Variants in OLFML2A observed in about 807,000 individuals in gnomAD.
OLFML2A encodes olfactomedin like 2A.
OLFML2A carries 47 observed loss-of-function variants against 60.9 expected under a neutral mutation model. The ratio of observed to expected loss-of-function variants is 0.77; its 90% CI spans 0.61 to 0.98. The LOEUF is 0.98. Among genes scored for constraint, OLFML2A ranks in the 50% least tolerant of loss-of-function variants. The pLI, the probability that OLFML2A is intolerant of heterozygous loss-of-function variation, is 0.00. For missense variants in OLFML2A, 922 were observed against 879.8 expected (o/e 1.05, Z -0.61); for synonymous variants, 372 against 375.0 (o/e 0.99, Z 0.09).
chr9:124,800,474 G>A (rs1006275043), intron 4 of OLFML2A, among the ~76,000 whole-genome samples: 10 of 152,274 alleles, frequency 6.6e-5, no homozygotes, highest in African/African-American at 2.4e-4. Context: ...ACATGGAGAG[G>A]CGGTGGCGGA....
chr9:124,808,303 C>T (rs1841943121), intron 7 of OLFML2A, among the ~76,000 whole-genome samples: 1 of 152,126 alleles, frequency 6.6e-6, no homozygotes, highest in Non-Finnish European at 1.5e-5. Flanking sequence ...GCTGATCTCG[C>T]CCCCCGTGTA....
At position 124,777,369 on chromosome 9, in the gene OLFML2A, G is replaced by T; in HGVS notation, c.90+9G>T. On this transcript the variant is annotated intron_variant, in intron 1 of 7. Transcript: ENST00000373580. This position sits in a 1 kb window ranked among gnomAD's most constrained non-coding sequence, Gnocchi z 6.2. ...CGCGCGCCGACAGTAAGGTACGCAC[G>T]CCCCTCGGACCCGCGCGGCTCGGCG... 1 of 1,267,530 alleles carries T rather than the reference G, an allele frequency of 7.9e-7. No individual in the cohort carries two copies. Among genetic ancestry groups the T allele is most frequent in the Non-Finnish European group, 1.0e-6 (1 of 1,003,656 alleles). 78.5% of individuals were successfully genotyped at this position (1,267,530 alleles called of 1,614,324 possible).
chr9:124,802,871 T>C (rs1841807646), intron 5 of OLFML2A, among the ~76,000 whole-genome samples: 1 of 152,104 alleles, frequency 6.6e-6, no homozygotes, highest in Non-Finnish European at 1.5e-5. Flanking sequence ...CAGACCATCA[T>C]AGTAATAACA....
intron 2 of OLFML2A, among the ~76,000 whole-genome samples, chr9:124,794,409 C>G (rs1447050490): frequency 6.6e-6 from 1 of 152,184 alleles, no homozygotes; most frequent in African/African-American, 2.4e-5. Context: ...TCCTCCAGTG[C>G]CCACTACACA....
chr9:124,780,504 A>T (rs564053390), intron 1 of OLFML2A, among the ~76,000 whole-genome samples: 110 of 152,352 alleles, frequency 7.2e-4, no homozygotes, highest in African/African-American at 2.3e-3. Context: ...GTTCCAGGCC[A>T]GGCTAGTCCC....
rs756156410 is a variant in OLFML2A at position 124,809,859 on chromosome 9, A to G, written c.1406A>G (p.His469Arg). ...KLPYNWIGTG[H>R]VVYQGAFYYN... ...CCCTACAACTGGATCGGCACAGGCC[A>G]CGTGGTGTACCAGGGCGCCTTCTAC... The change falls in exon 8 of 8, where the codon CAC (histidine) becomes CGC (arginine). Residue 469 changes from histidine to arginine, a missense_variant. Physicochemically the swap from His to Arg is conservative, Grantham distance 29. Coordinates refer to ENST00000373580, the MANE Select transcript of OLFML2A (RefSeq NM_182487.4). 4 of 1,614,068 alleles carry G rather than the reference A, an allele frequency of 2.5e-6. No individual in the cohort carries two copies. Among genetic ancestry groups the G allele is most frequent in the Non-Finnish European group, 2.5e-6 (3 of 1,179,960 alleles).
rs1201381760 is a variant in OLFML2A, at chr9:124,814,136, T to C, written c.*3724T>C. 1 of 152,270 alleles carries C rather than the reference T, an allele frequency of 6.6e-6. No homozygotes were observed. The highest frequency in any genetic ancestry group is 1.5e-5 in the Non-Finnish European group (1 of 68,066). The allele number at this position is 152,270 out of a possible 1,614,324, so 9.4% of individuals were successfully genotyped here. On this transcript the variant is annotated 3_prime_UTR_variant, in exon 8 of 8. Coordinates refer to ENST00000373580, the MANE Select transcript of OLFML2A (RefSeq NM_182487.4). Reference sequence around the variant, plus strand: ...GGGGTAGAGAATGGAGCTCCCGCCTTGCGGGCAGTGCTAAAGGTGGAGCTG... The same window carrying C: ...GGGGTAGAGAATGGAGCTCCCGCCTCGCGGGCAGTGCTAAAGGTGGAGCTG...
At chr9:124,778,360 C>CA (rs988215469) in intron 1 of OLFML2A, among the ~76,000 whole-genome samples, 228 of 115,712 alleles carry the variant, frequency 2.0e-3, no homozygotes, top group African/African-American at 4.8e-3. Context: ...GACTCCGTGT[C>CA]AAAAAAAAAA....
rs771037589 is a variant in OLFML2A, at chr9:124,787,240, T to C, written c.354+2T>C. On this transcript the variant is annotated splice_donor_variant, in intron 2 of 7. Transcript: ENST00000373580. LOFTEE classifies it high-confidence loss of function. ...AAGCAGGCGCCCGAGCTCCTCAAGGTAGACTTGGTGGGGTGATGGAGGGAG... is the reference window on the plus strand; with the variant it reads ...AAGCAGGCGCCCGAGCTCCTCAAGGCAGACTTGGTGGGGTGATGGAGGGAG... 9 of 1,612,852 alleles carry C rather than the reference T, an allele frequency of 5.6e-6. No homozygotes were observed. Among genetic ancestry groups the C allele is most frequent in the South Asian group, 5.5e-5 (5 of 91,076 alleles).
intron 5 of OLFML2A, 21 bp from the exon 6 acceptor site, chr9:124,804,073 A>C (rs1200618777): frequency 1.2e-6 from 2 of 1,612,218 alleles, no homozygotes; most frequent in Admixed American, 1.7e-5. Flanking sequence ...AGATTTGAGC[A>C]CAGGGGTCTT....
chr9:124,797,645 T>C (rs1841691372), intron 3 of OLFML2A, among the ~76,000 whole-genome samples: 1 of 152,218 alleles, frequency 6.6e-6, no homozygotes, highest in Admixed American at 6.5e-5. Flanking sequence ...GCTTTCTGCC[T>C]CTGACTTCTG....
At chr9:124,780,687 C>T (rs1465184389) in intron 1 of OLFML2A, among the ~76,000 whole-genome samples, 1 of 152,222 alleles carries the variant, frequency 6.6e-6, no homozygotes, top group Admixed American at 6.5e-5. Context: ...AGGGTCTTAT[C>T]CCAACACTCC....
chr9:124,799,556 C>T (rs1430216544), intron 4 of OLFML2A, 65 bp downstream of exon 4: 8 of 1,361,960 alleles, frequency 5.9e-6, no homozygotes, highest in Admixed American at 2.1e-5. Context: ...TGTGCCAGGA[C>T]GTTGGCCCTG....
Position 124,812,909 on chromosome 9 carries a change from T to C in OLFML2A, c.*2497T>C, listed in dbSNP as rs1420726174. The stretch of plus-strand genomic sequence containing the variant: ...GGCCTCTTCTGTTTTCATACCCTTG[T>C]AAGTGGGTTATGTGGTGGGTATGGT... On this transcript the variant is annotated 3_prime_UTR_variant, in exon 8 of 8. Coordinates refer to ENST00000373580, the MANE Select transcript of OLFML2A (RefSeq NM_182487.4). 1 of 152,242 alleles carries C rather than the reference T, an allele frequency of 6.6e-6. No individual in the cohort carries two copies. Among genetic ancestry groups the C allele is most frequent in the Non-Finnish European group, 1.5e-5 (1 of 68,058 alleles). The allele number at this position is 152,242 out of a possible 1,614,324, so 9.4% of individuals were successfully genotyped here. A position where few individuals can be genotyped will look rare whatever the true frequency, so the allele number is the denominator to read the frequency against.
chr9:124,808,024 C>G (rs1226558940), intron 7 of OLFML2A, 58 bp downstream of exon 7: 1 of 1,332,724 alleles, frequency 7.5e-7, no homozygotes, highest in Non-Finnish European at 1.1e-6. Context: ...GGGAGGGGTC[C>G]TCATGGGGAC....
rs926269535 is a variant in OLFML2A at position 124,778,385 on chromosome 9, T to A, written c.90+1025T>A. Among the ~76,000 whole-genome samples, 267 of 141,570 alleles carry A rather than the reference T, an allele frequency of 1.9e-3. 5 individuals carry two copies. In the East Asian group the frequency reaches 0.046, roughly 24 times the overall value. 92.9% of individuals were successfully genotyped at this position (141,570 alleles called of 152,430 possible). On this transcript the variant is annotated intron_variant, in intron 1 of 7. Transcript: ENST00000373580. The stretch of plus-strand genomic sequence containing the variant: ...CAAAAAAAAAAAGAAAAAAAAAAAA[T>A]ACTTAGCACCAGAGCACTTGGGGTG...
intron 1 of OLFML2A, among the ~76,000 whole-genome samples, chr9:124,782,617 C>T (rs1841381842): frequency 6.6e-6 from 1 of 152,236 alleles, no homozygotes; most frequent in South Asian, 2.1e-4. Context: ...TGGCGCTCTG[C>T]TGCCCTCCAG....
chr9:124,810,390 A>T lies in OLFML2A; in HGVS notation c.1937A>T (p.Tyr646Phe). Residue 646 changes from tyrosine to phenylalanine, a missense_variant, in exon 8 of 8, where the codon TAC becomes TTC. Tyr to Phe is a conservative substitution (Grantham distance 22). Transcript: ENST00000373580. ...TGGGACAATGGCCACCAGCTCACCT[A>T]CACCCTCCACTTCGTGGTCTGAGTG... ...YAWDNGHQLTYTLHFVV is the reference protein window; with the variant it reads ...YAWDNGHQLTFTLHFVV 1 of 1,598,492 alleles carries T rather than the reference A, an allele frequency of 6.3e-7. No individual in the cohort carries two copies. The highest frequency in any genetic ancestry group is 1.3e-5 in the African/African-American group (1 of 75,002).
At chr9:124,791,243 G>A (rs1841563822) in intron 2 of OLFML2A, among the ~76,000 whole-genome samples, 1 of 152,194 alleles carries the variant, frequency 6.6e-6, no homozygotes, top group Non-Finnish European at 1.5e-5. Context: ...GAGAGGAAAG[G>A]AGGGCATTTC....
Sources: gnomAD v4.1 joint callset for allele counts (sites outside exome capture counted in the v4.1 genomes callset) on GRCh38, gnomAD v4.1.1 for gene constraint, Gnocchi (gnomAD v3.1) non-coding constraint, MANE v1.5 for transcripts, NCBI Gene and HGNC (gene_info 2026-07-23, HGNC 2026-07-21) for gene names.